The following E2F7 variants were observed in gnomAD, a reference collection of about 807,000 sequenced individuals.
E2F7 encodes transcription factor E2F7.
In E2F7, 35 loss-of-function variants were observed where a neutral mutation model predicts 81.1. The ratio of observed to expected loss-of-function variants is 0.43; its 90% CI spans 0.33 to 0.57. E2F7 has a LOEUF of 0.57. E2F7 is among the 20% of genes least tolerant of loss of function. The pLI, the probability that E2F7 is intolerant of heterozygous loss-of-function variation, is 0.04. For synonymous variants in E2F7, 416 were observed against 416.2 expected, an observed-to-expected ratio of 1.00 and a Z score of 0.01; for missense variants, 961 against 1,093.7, an observed-to-expected ratio of 0.88 and a Z score of 1.71.
chr12:77,039,457 A>T (rs1304125605), intron 7 of E2F7, among the ~76,000 whole-genome samples: 1 of 152,228 alleles, frequency 6.6e-6, no homozygotes, highest in Non-Finnish European at 1.5e-5. Context: ...TACAACTCTC[A>T]CAATTCAGTA....
chr12:77,054,585 A>T (rs568766385), intron 3 of E2F7, among the ~76,000 whole-genome samples: 49 of 152,288 alleles, frequency 3.2e-4, no homozygotes, highest in African/African-American at 1.0e-3. Context: ...CAGGTGGTGA[A>T]CCTTTCTAGT....
intron 12 of E2F7, 53 bp from the exon 13 acceptor site, chr12:77,024,238 C>G (rs1159976342): frequency 6.4e-7 from 1 of 1,556,426 alleles, no homozygotes; most frequent in Non-Finnish European, 8.7e-7. Context: ...TTTCTGATCT[C>G]TGAGTAGAAA....
At chr12:77,031,693 C>T (rs1954809221) in intron 9 of E2F7, among the ~76,000 whole-genome samples, 1 of 151,952 alleles carries the variant, frequency 6.6e-6, no homozygotes, top group Non-Finnish European at 1.5e-5. Context: ...TAAAAACACA[C>T]AACAAAAAAA....
chr12:77,037,079 T>G (rs1592558220), intron 7 of E2F7, among the ~76,000 whole-genome samples: 1 of 152,180 alleles, frequency 6.6e-6, no homozygotes, highest in East Asian at 1.9e-4. Context: ...AGCAAAAATG[T>G]TTTTCAAAAG....
At chr12:77,025,314 T>G (rs1033459296) in intron 12 of E2F7, among the ~76,000 whole-genome samples, 1 of 151,984 alleles carries the variant, frequency 6.6e-6, no homozygotes, top group Non-Finnish European at 1.5e-5. Context: ...CTAAAACAGG[T>G]CCCTCTAATT....
At chr12:77,044,872 T>G (rs1954925847) in intron 5 of E2F7, 77 bp from the exon 6 acceptor site, 2 of 1,520,350 alleles carry the variant, frequency 1.3e-6, no homozygotes, top group Admixed American at 3.8e-5. Context: ...CTTGCCAAAA[T>G]GATCTAGCCC....
intron 11 of E2F7, 43 bp from the exon 12 acceptor site, chr12:77,026,025 A>G (rs1281007346): frequency 1.9e-6 from 3 of 1,542,808 alleles, no homozygotes; most frequent in African/African-American, 1.4e-5. Flanking sequence ...ATATGTCATC[A>G]TGAGGATATC....
chr12:77,036,985 G>A (rs375300471), intron 7 of E2F7, among the ~76,000 whole-genome samples: 10 of 152,188 alleles, frequency 6.6e-5, no homozygotes, highest in East Asian at 3.9e-4. Context: ...TCCTGACCTC[G>A]TGATCCACCC....
In E2F7 at chr12:77,050,735, C is replaced by T; in HGVS notation, c.379G>A (p.Val127Ile). 6.2e-7 allele frequency: 1 copy of T among 1,613,132 alleles called. No individual in the cohort carries two copies. Among genetic ancestry groups the T allele is most frequent in the Middle Eastern group, 1.7e-4 (1 of 6,050 alleles). Residue 127 changes from valine to isoleucine, a missense_variant, in exon 4 of 13, where the codon GTT becomes ATT. Transcript: ENST00000322886. ...AFTDSLQLDV[V>I]GDSAVDEFEK... is the part of the protein sequence containing the mutation. ...AATTCGTCCACAGCACTGTCCCCAA[C>T]AACATCAAGCTACAGAGGGCAGATA...
At chr12:77,042,669 T>A (rs187792641) in intron 7 of E2F7, among the ~76,000 whole-genome samples, 5 of 152,370 alleles carry the variant, frequency 3.3e-5, no homozygotes, top group Admixed American at 3.3e-4. Context: ...TTTTTACTCA[T>A]AATTTTACTT....
intron 6 of E2F7, among the ~76,000 whole-genome samples, chr12:77,043,989 G>C (rs1954917750): frequency 6.6e-6 from 1 of 152,198 alleles, no homozygotes; most frequent in Non-Finnish European, 1.5e-5. Flanking sequence ...CACCCTGGAT[G>C]CAGCTTTCTT....
chr12:77,033,750 G>A (rs1954824521), intron 8 of E2F7, 107 bp downstream of exon 8: 2 of 1,175,768 alleles, frequency 1.7e-6, no homozygotes, highest in Non-Finnish European at 2.3e-6. Context: ...AACAGCCAGG[G>A]CTGAGAGTCA....
rs147478050 is a variant in E2F7 at position 77,044,696 on chromosome 12, A to C, written c.929T>G (p.Val310Gly). ...VSKTKIVTLD[V>G]AAKILIEESQ... is the part of the protein sequence containing the mutation. ...TTCTTCTATCAGTATTTTGGCAGCC[A>C]CATCCAGAGTGACAATCTTGGTTTT... The change falls in exon 6 of 13, where the codon GTG becomes GGG. Residue 310 changes from valine to glycine, a missense_variant. This residue lies in a region of E2F7 where 301 missense variants were observed against 405.0 expected (regional missense o/e 0.74). Transcript: ENST00000322886. 1.8e-4 allele frequency: 289 copies of C among 1,614,196 alleles called. 1 individual carries two copies. In the African/African-American group the frequency reaches 3.2e-3, roughly 18 times the overall value.
At chr12:77,062,883 T>C (rs1438471711) in intron 2 of E2F7, among the ~76,000 whole-genome samples, 1 of 129,452 alleles carries the variant, frequency 7.7e-6, no homozygotes, top group South Asian at 3.0e-4. Flanking sequence ...ATGACTTAGA[T>C]AATTAAAAAA....
At chr12:77,025,419 TA>T in intron 12 of E2F7, 138 bp downstream of exon 12, 6 of 870,224 alleles carry the variant, frequency 6.9e-6, no homozygotes, top group Non-Finnish European at 1.1e-5. Flanking sequence ...AAGGAGCAGA[TA>T]ACTCTAGGTC....
chr12:77,025,785 G>T lies in E2F7; in HGVS notation c.2338C>A (p.Pro780Thr). The part of the protein sequence containing the change: ...STLGALPNTG[P>T]VNFSLPGLGS... The stretch of plus-strand genomic sequence containing the variant: ...AGGCCAGGCAAGCTGAAATTCACAG[G>T]TCCTGTGTTTGGGAGAGCACCAAGA... The change falls in exon 12 of 13, where the codon CCT (proline) becomes ACT (threonine). Residue 780 changes from proline to threonine, a missense_variant. By Grantham distance (38) the Pro-to-Thr change is conservative (BLOSUM62 -1). Around this residue, in one of 3 missense-constraint regions of E2F7, gnomAD observed 587 missense variants for 620.3 expected, o/e 0.95. Transcript: ENST00000322886. The T allele has an allele frequency of 6.2e-7, 1 of 1,614,102 alleles. No homozygotes were observed. The highest frequency in any genetic ancestry group is 2.2e-5 in the East Asian group (1 of 44,874).
chr12:77,049,697 C>G (rs1020091541), intron 4 of E2F7, among the ~76,000 whole-genome samples: 1 of 152,152 alleles, frequency 6.6e-6, no homozygotes, highest in African/African-American at 2.4e-5. Flanking sequence ...TAGCTTTCAG[C>G]TTGAATAATT....
chr12:77,025,164 C>T (rs905691073), intron 12 of E2F7, among the ~76,000 whole-genome samples: 1 of 152,076 alleles, frequency 6.6e-6, no homozygotes, highest in African/African-American at 2.4e-5. Context: ...ATCAAGACTT[C>T]TGTTTCCTTT....
At chr12:77,063,320 G>A (rs891443600) in intron 2 of E2F7, among the ~76,000 whole-genome samples, 7 of 152,152 alleles carry the variant, frequency 4.6e-5, no homozygotes, top group African/African-American at 7.2e-5. Context: ...AAAATCGTAC[G>A]CCAAGGTTGC....
Sources: allele counts gnomAD v4.1 joint callset (sites outside exome capture counted in the v4.1 genomes callset), GRCh38; gene constraint gnomAD v4.1.1; regional missense constraint gnomAD v4.1.1; transcripts MANE v1.5; gene names NCBI Gene and HGNC (gene_info 2026-07-23, HGNC 2026-07-21).